The following PCDHGA7 variants were observed in gnomAD, a reference collection of about 807,000 sequenced individuals.
PCDHGA7 encodes protocadherin gamma-A7.
Under a neutral mutation model 58.3 loss-of-function variants are expected in PCDHGA7, and 44 were observed. The observed-to-expected ratio is 0.75, with a 90% CI of 0.59 to 0.97. The LOEUF is 0.97. PCDHGA7 is among the 50% of genes least tolerant of loss of function. The probability of loss-of-function intolerance (pLI) is 0.00; values close to 1 mark genes in which losing one functional copy is unlikely to be tolerated. For synonymous variants in PCDHGA7, 516 were observed against 504.2 expected, an observed-to-expected ratio of 1.02 and a Z score of -0.31; for missense variants, 1,266 against 1,188.7, an observed-to-expected ratio of 1.06 and a Z score of -0.96.
Position 141,501,290 on chromosome 5 carries a change from TACACACAC to T in PCDHGA7, c.2484-4066_2484-4059del, listed in dbSNP as rs55762287. 3.7e-3 allele frequency among the ~76,000 whole-genome samples: 499 copies of T among 136,222 alleles called. 2 individuals carry two copies. Among genetic ancestry groups the T allele is most frequent in the Middle Eastern group, 0.033 (9 of 270 alleles). 89.4% of individuals were successfully genotyped at this position (136,222 alleles called of 152,430 possible). On this transcript the variant is annotated intron_variant, in intron 2 of 3. Transcript: ENST00000518325. ...GTCCAGTCTATGGGATATTCCCTTA[TACACACAC>T]ACACACACACACACACACACACACA... is the stretch of plus-strand genomic sequence containing the variant.
chr5:141,426,998 A>C (rs981827933), intron 1 of PCDHGA7: 8 of 456,664 alleles, frequency 1.8e-5, no homozygotes, highest in African/African-American at 1.6e-4. Flanking sequence ...ATAATGCCCC[A>C]GTTTTTAGCC....
At chr5:141,415,469 C>G (rs1247738517) in intron 1 of PCDHGA7, 1 of 1,614,090 alleles carries the variant, frequency 6.2e-7, no homozygotes, top group Non-Finnish European at 8.5e-7. Context: ...TCTCTCACCG[C>G]GGACTCGCGA....
At position 141,393,567 on chromosome 5, in the gene PCDHGA7, C is replaced by T. The variant is rs766591189; in HGVS notation, c.2424+8244C>T. 6 of 1,613,798 alleles carry T rather than the reference C, an allele frequency of 3.7e-6. No homozygotes were observed. The African/African-American group carries it at 6.7e-5, about 18-fold the overall frequency. ...TCACCCGATTTACCGAGTGAAAGTC[C>T]TTGAGAACATGCCCCCAGGCACGCG... On this transcript the variant is annotated intron_variant, in intron 1 of 3. Transcript: ENST00000518325.
intron 1 of PCDHGA7, chr5:141,441,746 C>A: frequency 5.4e-6 from 2 of 371,314 alleles, no homozygotes; most frequent in East Asian, 9.8e-5. Flanking sequence ...TCGCGCTCGG[C>A]GTCAACGTGA....
chr5:141,399,950 G>A lies in PCDHGA7; in HGVS notation c.2424+14627G>A, dbSNP rs566695854. On this transcript the variant is annotated intron_variant, in intron 1 of 3. Coordinates refer to ENST00000518325, the MANE Select transcript of PCDHGA7 (RefSeq NM_018920.4). ...CTGTCCTACCACGTGCTGCAGGCTA[G>A]CGAGCCCGGGCTCTTCAGCCTGGGG... The A allele has an allele frequency of 4.3e-6, 7 of 1,612,178 alleles. No individual in the cohort carries two copies. The African/African-American group carries it at 6.7e-5, about 15-fold the overall frequency.
chr5:141,415,487 A>C, intron 1 of PCDHGA7: 1 of 1,614,170 alleles, frequency 6.2e-7, no homozygotes, highest in Non-Finnish European at 8.5e-7. Context: ...CGAAAGAGTC[A>C]CCTGATCTTC....
intron 1 of PCDHGA7, among the ~76,000 whole-genome samples, chr5:141,463,205 A>T (rs2099054933): frequency 6.6e-6 from 1 of 152,080 alleles, no homozygotes; most frequent in Non-Finnish European, 1.5e-5. Context: ...AGACTTGGGG[A>T]TCCATATTAA....
intron 1 of PCDHGA7, chr5:141,421,325 G>A: frequency 6.2e-7 from 1 of 1,613,906 alleles, no homozygotes; most frequent in Non-Finnish European, 8.5e-7. Context: ...AGGCAGATCC[G>A]ATATTCGGTG....
chr5:141,390,855 A>G (rs941626765), intron 1 of PCDHGA7: 5 of 156,986 alleles, frequency 3.2e-5, no homozygotes, highest in African/African-American at 1.0e-4. Context: ...TATGCAGTGT[A>G]CGCTGTGTGT....
chr5:141,500,871 T>C (rs2154592764), intron 2 of PCDHGA7, among the ~76,000 whole-genome samples: 1 of 135,840 alleles, frequency 7.4e-6, no homozygotes, highest in African/African-American at 3.0e-5. Context: ...TACACATTCA[T>C]TTACAATTTT....
At chr5:141,423,409 G>T (rs1168604361) in intron 1 of PCDHGA7, 1 of 1,614,148 alleles carries the variant, frequency 6.2e-7, no homozygotes, top group South Asian at 1.1e-5. Flanking sequence ...CCTGCTGCAG[G>T]CTTCTGAAGG....
rs532830928 is a variant in PCDHGA7 at position 141,473,487 on chromosome 5, A to G, written c.2425-21320A>G. Reference sequence around the variant, plus strand: ...TTGTGCCAAGTTCAATGGAAAAAATATAAGGTGTTCTGAGAGAGCATAACA... The same window carrying G: ...TTGTGCCAAGTTCAATGGAAAAAATGTAAGGTGTTCTGAGAGAGCATAACA... On this transcript the variant is annotated intron_variant, in intron 1 of 3. Coordinates refer to ENST00000518325, the MANE Select transcript of PCDHGA7 (RefSeq NM_018920.4). 2.0e-3 allele frequency among the ~76,000 whole-genome samples: 310 copies of G among 152,242 alleles called. 5 individuals carry two copies. The South Asian group carries it at 0.052, about 25-fold the overall frequency.
intron 1 of PCDHGA7, chr5:141,389,114 C>A: frequency 1.2e-6 from 2 of 1,614,004 alleles, no homozygotes; most frequent in Non-Finnish European, 1.7e-6. Flanking sequence ...TTCTAGACCG[C>A]GAGCAGAATC....
chr5:141,489,558 G>A lies in PCDHGA7; in HGVS notation c.2425-5249G>A. On this transcript the variant is annotated intron_variant, in intron 1 of 3. Coordinates refer to ENST00000518325, the MANE Select transcript of PCDHGA7 (RefSeq NM_018920.4). The surrounding 1 kb of genome is among the most constrained non-coding windows in gnomAD (Gnocchi z 4.5). ...CCAGCACCAGCTGCCTGCTGCCAGT[G>A]CAGGTGGTGACTGAACACCCCCTGG... 1 of 1,614,130 alleles carries A rather than the reference G, an allele frequency of 6.2e-7. No individual in the cohort carries two copies. Among genetic ancestry groups the A allele is most frequent in the Non-Finnish European group, 8.5e-7 (1 of 1,180,024 alleles).
intron 1 of PCDHGA7, among the ~76,000 whole-genome samples, chr5:141,397,814 C>G (rs1325713795): frequency 6.6e-6 from 1 of 152,200 alleles, no homozygotes; most frequent in Non-Finnish European, 1.5e-5. Flanking sequence ...CACACAAAAA[C>G]AATTACTGCA....
intron 1 of PCDHGA7, among the ~76,000 whole-genome samples, chr5:141,446,182 G>A (rs1411996595): frequency 6.6e-6 from 1 of 152,118 alleles, no homozygotes; most frequent in African/African-American, 2.4e-5. Flanking sequence ...GGGGTGTTTT[G>A]TTTATTATTA....
intron 1 of PCDHGA7, chr5:141,400,097 A>G: frequency 6.2e-7 from 1 of 1,614,048 alleles, no homozygotes; most frequent in Non-Finnish European, 8.5e-7. Flanking sequence ...GCCACGCTGC[A>G]CTTGGTCTTT....
chr5:141,418,819 A>T (rs1285247926), intron 1 of PCDHGA7: 1 of 1,613,868 alleles, frequency 6.2e-7, no homozygotes, highest in African/African-American at 1.3e-5. Context: ...TAAACATAGA[A>T]GCAAAAGACC....
Position 141,383,130 on chromosome 5 carries a change from G to C in PCDHGA7, c.231G>C (p.Leu77=), listed in dbSNP as rs1328104143. Residue 77 remains leucine, a synonymous_variant, in exon 1 of 4, where the codon CTG becomes CTC. Coordinates refer to ENST00000518325, the MANE Select transcript of PCDHGA7 (RefSeq NM_018920.4). ...ISRGRTQLFA[L]NQRSGSLVTA... is the part of the protein sequence containing the mutation. ...GAGGTAGGACGCAGCTTTTCGCCCT[G>C]AACCAGCGCAGCGGCAGCTTGGTCA... 3.1e-6 allele frequency: 5 copies of C among 1,614,008 alleles called. No homozygotes were observed. In the African/African-American group the frequency reaches 5.3e-5, roughly 17 times the overall value.
Sources: gnomAD v4.1 joint callset for allele counts (sites outside exome capture counted in the v4.1 genomes callset) on GRCh38, gnomAD v4.1.1 for gene constraint, Gnocchi (gnomAD v3.1) non-coding constraint, MANE v1.5 for transcripts, NCBI Gene and HGNC (gene_info 2026-07-23, HGNC 2026-07-21) for gene names.